Variants in CRHBP observed in about 807,000 individuals in gnomAD.
CRHBP encodes corticotropin releasing hormone binding protein, also known as corticotropin-releasing hormone-binding protein.
A neutral mutation model predicts 34.9 loss-of-function variants in CRHBP; 19 were observed. The observed-to-expected ratio is 0.55, with a 90% CI of 0.38 to 0.80. The LOEUF is 0.80. Among genes scored for constraint, CRHBP ranks in the 30% least tolerant of loss-of-function variants. CRHBP has a pLI of 0.00. For synonymous variants in CRHBP, 154 were observed against 153.4 expected (o/e 1.00, Z -0.03); for missense variants, 328 against 409.2 (o/e 0.80, Z 1.71).
chr5:76,975,825 A>AAAAAAATATATATATATATAT, intron 2 of CRHBP, among the ~76,000 whole-genome samples: 5 of 61,834 alleles, frequency 8.1e-5, no homozygotes, highest in African/African-American at 3.6e-4. Flanking sequence ...AAAAAAAAAA[A>AAAAAAATATATATATATATAT]ATATATATAT....
chr5:76,974,463 T>TTTTTTTTTTG (rs1554043430), downstream of CRHBP, among the ~76,000 whole-genome samples: 13 of 150,286 alleles, frequency 8.7e-5, no homozygotes, highest in East Asian at 4.0e-4. Flanking sequence ...CTTGCTATTT[T>TTTTTTTTTTG]AATTGGGAGG....
chr5:76,954,614 C>T (rs1745639258), intron 3 of CRHBP, among the ~76,000 whole-genome samples: 1 of 152,210 alleles, frequency 6.6e-6, no homozygotes. Context: ...CCACACGTCT[C>T]ACATCTGAGC....
intron 3 of CRHBP, among the ~76,000 whole-genome samples, chr5:76,980,579 G>A (rs974529978): frequency 3.0e-4 from 45 of 152,222 alleles, no homozygotes; most frequent in African/African-American, 1.0e-3. Flanking sequence ...TCAACTTGGC[G>A]ATGCCATAGA....
chr5:76,957,442 A>G (rs1745700780), intron 4 of CRHBP, among the ~76,000 whole-genome samples: 2 of 152,234 alleles, frequency 1.3e-5, no homozygotes, highest in African/African-American at 2.4e-5. Flanking sequence ...GCTGGAGTGC[A>G]GTGGCACGAT....
chr5:76,968,405 G>T (rs1561267864), intron 6 of CRHBP, among the ~76,000 whole-genome samples: 1 of 152,036 alleles, frequency 6.6e-6, no homozygotes, highest in Non-Finnish European at 1.5e-5. Flanking sequence ...GATTGCCTTT[G>T]CCTGCCTTTA....
intron 5 of CRHBP, 66 bp downstream of exon 5, chr5:76,958,955 A>C: frequency 6.5e-7 from 1 of 1,541,852 alleles, no homozygotes; most frequent in Non-Finnish European, 8.8e-7. Context: ...AGAAGCAATC[A>C]TATAGGGAAA....
chr5:76,969,689 CAG>C (rs1745914612), downstream of CRHBP, among the ~76,000 whole-genome samples: 6 of 152,302 alleles, frequency 3.9e-5, no homozygotes, highest in South Asian at 1.2e-3. Context: ...GAAGCGGGTG[CAG>C]AGATTCATTT....
chr5:76,953,553 T>C (rs1285462912), intron 1 of CRHBP, 48 bp from the exon 2 acceptor site: 1 of 1,569,250 alleles, frequency 6.4e-7, no homozygotes, highest in Admixed American at 1.8e-5. Context: ...TCCCCTTTTT[T>C]ATCCCCAGCC....
intron 4 of CRHBP, among the ~76,000 whole-genome samples, chr5:76,956,550 AC>A (rs1745671795): frequency 6.6e-6 from 1 of 151,984 alleles, no homozygotes; most frequent in Non-Finnish European, 1.5e-5. Context: ...CCTGGCTAAC[AC>A]AGTGAAACCC....
At position 76,955,654 on chromosome 5, in the gene CRHBP, T is replaced by C. The variant is rs1177543382; in HGVS notation, c.335T>C (p.Val112Ala). The C allele has an allele frequency of 1.2e-6, 2 of 1,613,706 alleles. No individual in the cohort carries two copies. The highest frequency in any genetic ancestry group is 8.5e-7 in the Non-Finnish European group (1 of 1,179,854). ...TCTATGTCTGTATTTTTTTCAAAGG[T>C]ATTTGATGGTTGGATTCTCAAGGGG... ...IDCQGGDFLK[V>A]FDGWILKGEK... The change falls in exon 4 of 7, where the codon GTA (valine) becomes GCA (alanine). Residue 112 changes from valine to alanine, a missense_variant and splice_region_variant. Transcript: ENST00000274368.
chr5:76,975,526 G>A (rs145300111), intron 2 of CRHBP, among the ~76,000 whole-genome samples: 1 of 151,916 alleles, frequency 6.6e-6, no homozygotes, highest in Non-Finnish European at 1.5e-5. Context: ...GTCCTGGCCA[G>A]GCATGGTGGC....
At chr5:76,967,265 G>A (rs1438982097) in intron 6 of CRHBP, among the ~76,000 whole-genome samples, 1 of 151,992 alleles carries the variant, frequency 6.6e-6, no homozygotes, top group Non-Finnish European at 1.5e-5. Flanking sequence ...GAAAGGAAAA[G>A]AAAAAGAAAT....
exon 3 of CRHBP, chr5:76,976,435 C>T (rs1489554419): frequency 6.6e-6 from 1 of 152,182 alleles, no homozygotes; most frequent in African/African-American, 2.4e-5. Flanking sequence ...TGGATGGGCC[C>T]AGCCTTAGAA....
At position 76,969,109 on chromosome 5, in the gene CRHBP, C is replaced by T; in HGVS notation, c.*224C>T. 1 of 429,498 alleles carries T rather than the reference C, an allele frequency of 2.3e-6. No homozygotes were observed. The highest frequency in any genetic ancestry group is 5.3e-5 in the South Asian group (1 of 18,874). 26.6% of individuals were successfully genotyped at this position (429,498 alleles called of 1,614,324 possible). On this transcript the variant is annotated 3_prime_UTR_variant, in exon 7 of 7. Transcript: ENST00000274368. ...AAATGAACACATGGCAGAAAATAAC[C>T]CCTGATTGGTAGGATCATAGTTCTA...
In CRHBP at chr5:76,968,960, A is replaced by T. The variant is rs1745903989; in HGVS notation, c.*75A>T. On this transcript the variant is annotated 3_prime_UTR_variant, in exon 7 of 7. Transcript: ENST00000274368. ...GCCATTGTGTATGATTTTGATGCAC[A>T]ACTAGTTAAAAGCCTTTCATACCAG... 3.3e-5 allele frequency: 51 copies of T among 1,535,804 alleles called. No homozygotes were observed. In the South Asian group the frequency reaches 5.6e-4, roughly 17 times the overall value.
intron 5 of CRHBP, 184 bp downstream of exon 5, chr5:76,959,073 G>A: frequency 1.9e-6 from 1 of 535,218 alleles, no homozygotes; most frequent in Non-Finnish European, 3.1e-6. Context: ...TTTCAGTTAT[G>A]CGGCAAGTTG....
chr5:76,954,239 G>T lies in CRHBP; in HGVS notation c.333+53G>T, dbSNP rs1443980177. 3.8e-6 allele frequency: 6 copies of T among 1,589,034 alleles called. No homozygotes were observed. The African/African-American group carries it at 4.0e-5, about 11-fold the overall frequency. On this transcript the variant is annotated intron_variant, in intron 3 of 6. Transcript: ENST00000274368. Reference sequence around the variant, plus strand: ...GCCGGAGGGCGGCACGGGAGGGTTGGAAAGGGCTGGGGCGCTGCACCCAGC... The same window carrying T: ...GCCGGAGGGCGGCACGGGAGGGTTGTAAAGGGCTGGGGCGCTGCACCCAGC...
intron 3 of CRHBP, among the ~76,000 whole-genome samples, chr5:76,980,053 C>T (rs1746094287): frequency 6.6e-6 from 1 of 150,664 alleles, no homozygotes; most frequent in Admixed American, 6.6e-5. Context: ...AGATCGAGAC[C>T]ATCCTGGCTA....
intron 6 of CRHBP, among the ~76,000 whole-genome samples, chr5:76,968,126 G>T (rs923443167): frequency 6.6e-6 from 1 of 151,634 alleles, no homozygotes; most frequent in Non-Finnish European, 1.5e-5. Context: ...ATGTCTATAC[G>T]ATGCAAATGA....
Sources: gnomAD v4.1 joint callset for allele counts (sites outside exome capture counted in the v4.1 genomes callset) on GRCh38, gnomAD v4.1.1 for gene constraint, MANE v1.5 for transcripts, NCBI Gene and HGNC (gene_info 2026-07-23, HGNC 2026-07-21) for gene names.